DTNA: variants seen among roughly 807,000 people sequenced by gnomAD.
The protein encoded by DTNA is dystrobrevin alpha.
In DTNA, 43 loss-of-function variants were observed where a neutral mutation model predicts 100.7. The observed-to-expected ratio is 0.43, with a 90% CI of 0.33 to 0.55. DTNA has a LOEUF of 0.55. Ranked by LOEUF, DTNA falls within the 20% of genes least tolerant of loss-of-function variation. The pLI is 0.04. For missense variants in DTNA, 798 were observed against 953.9 expected (o/e 0.84, Z 2.15); for synonymous variants, 349 against 347.9 (o/e 1.00, Z -0.04).
At chr18:34,622,828 G>T (rs898439126) in intron 1 of DTNA, among the ~76,000 whole-genome samples, 11 of 152,172 alleles carry the variant, frequency 7.2e-5, no homozygotes, top group Non-Finnish European at 1.0e-4. Flanking sequence ...GAGGCCCTCG[G>T]ATTGGGCTGA....
At chr18:34,745,630 C>G (rs75619770) in intron 1 of DTNA, among the ~76,000 whole-genome samples, 2,020 of 152,318 alleles carry the variant, frequency 0.013, 25 homozygotes, top group African/African-American at 0.046. Flanking sequence ...CCCACCTTCA[C>G]TGTTCCACCT....
intron 1 of DTNA, among the ~76,000 whole-genome samples, chr18:34,668,293 G>C (rs2076234123): frequency 6.6e-6 from 1 of 151,954 alleles, no homozygotes; most frequent in South Asian, 2.1e-4. Context: ...ATTTTTTATT[G>C]CGTCTATTTG....
chr18:34,780,843 A>G (rs1156514161), intron 3 of DTNA, among the ~76,000 whole-genome samples: 4 of 152,198 alleles, frequency 2.6e-5, no homozygotes, highest in Non-Finnish European at 5.9e-5. Flanking sequence ...ACAGTGCAGG[A>G]ATTTCCAAGA....
chr18:34,505,034 G>A (rs754954522), intron 1 of DTNA, among the ~76,000 whole-genome samples: 1 of 152,114 alleles, frequency 6.6e-6, no homozygotes, highest in Admixed American at 6.5e-5. Context: ...TTACCATACA[G>A]TGCATGCCTT....
In DTNA at chr18:34,794,268, G is replaced by A. The variant is rs771172339; in HGVS notation, c.362+18G>A. On this transcript the variant is annotated intron_variant, in intron 4 of 22. Transcript: ENST00000444659. Reference sequence around the variant, plus strand: ...TTTGATCCGTAAGCACCCTCTGAATGTCTGTTCCTCTCTACATGTTTGGCT... The same window carrying A: ...TTTGATCCGTAAGCACCCTCTGAATATCTGTTCCTCTCTACATGTTTGGCT... 5.6e-6 allele frequency: 9 copies of A among 1,613,708 alleles called. No individual in the cohort carries two copies. In the Admixed American group the frequency reaches 8.3e-5, roughly 15 times the overall value.
intron 1 of DTNA, among the ~76,000 whole-genome samples, chr18:34,564,046 T>C (rs1598607973): frequency 6.6e-6 from 1 of 152,160 alleles, no homozygotes; most frequent in East Asian, 1.9e-4. Flanking sequence ...TATTATTAAC[T>C]ACAGTCACTA....
rs141141892 is a variant in DTNA, at chr18:34,794,241, C to T, written c.353C>T (p.Ala118Val). The T allele has an allele frequency of 1.9e-6, 3 of 1,614,004 alleles. No homozygotes were observed. The highest frequency in any genetic ancestry group is 1.1e-5 in the South Asian group (1 of 91,070). The change falls in exon 4 of 23, where the codon GCG becomes GTG. Residue 118 changes from alanine to valine, a missense_variant. By Grantham distance (64) the Ala-to-Val change is moderately conservative (BLOSUM62 0). Coordinates refer to ENST00000444659, the MANE Select transcript of DTNA (RefSeq NM_001386795.1). Reference sequence around the variant, plus strand: ...CTCCTCCTTAACTTCCTGCTTGCAGCGTTTGATCCGTAAGCACCCTCTGAA... The same window carrying T: ...CTCCTCCTTAACTTCCTGCTTGCAGTGTTTGATCCGTAAGCACCCTCTGAA... ...ISLLLNFLLA[A>V]FDPEGHGKIS...
intron 1 of DTNA, among the ~76,000 whole-genome samples, chr18:34,668,016 G>T (rs1015686392): frequency 2.0e-5 from 3 of 152,134 alleles, no homozygotes; most frequent in African/African-American, 7.2e-5. Context: ...GCTCCTCCTT[G>T]TACCTCTGGT....
At chr18:34,527,235 T>TA (rs2042711863) in intron 1 of DTNA, among the ~76,000 whole-genome samples, 1 of 151,934 alleles carries the variant, frequency 6.6e-6, no homozygotes, top group Non-Finnish European at 1.5e-5. Flanking sequence ...AGTGCAACAG[T>TA]AAAACAGATT....
chr18:34,550,092 A>G (rs2045241174), intron 1 of DTNA, among the ~76,000 whole-genome samples: 2 of 152,144 alleles, frequency 1.3e-5, no homozygotes, highest in Admixed American at 1.3e-4. Context: ...CAACTCTAGA[A>G]AGCTTCTAAC....
chr18:34,706,200 G>A (rs547341695), upstream of DTNA, among the ~76,000 whole-genome samples: 5 of 152,036 alleles, frequency 3.3e-5, no homozygotes, highest in African/African-American at 7.2e-5. Context: ...CACTCGCCTC[G>A]GCCTCCCAAA....
intron 1 of DTNA, among the ~76,000 whole-genome samples, chr18:34,525,217 T>C (rs1224068935): frequency 6.6e-6 from 1 of 152,050 alleles, no homozygotes; most frequent in East Asian, 1.9e-4. Flanking sequence ...TACTCCACTC[T>C]CTAGGACATC....
chr18:34,553,216 G>A (rs1178979164), intron 1 of DTNA, among the ~76,000 whole-genome samples: 1 of 151,614 alleles, frequency 6.6e-6, no homozygotes, highest in African/African-American at 2.4e-5. Context: ...CCCACTTTTT[G>A]ATGGGGTTGT....
At chr18:34,506,157 C>T (rs2040470226) in intron 1 of DTNA, among the ~76,000 whole-genome samples, 1 of 152,220 alleles carries the variant, frequency 6.6e-6, no homozygotes, top group Admixed American at 6.5e-5. Flanking sequence ...GGTCTCTCCA[C>T]TGACACACTA....
intron 17 of DTNA, among the ~76,000 whole-genome samples, chr18:34,872,389 A>G (rs954165378): frequency 1.3e-5 from 2 of 152,214 alleles, no homozygotes; most frequent in African/African-American, 4.8e-5. Flanking sequence ...GGTGTGCACT[A>G]CAGCCCCAGA....
chr18:34,546,605 C>G (rs2044805420), intron 1 of DTNA, among the ~76,000 whole-genome samples: 1 of 152,080 alleles, frequency 6.6e-6, no homozygotes, highest in Non-Finnish European at 1.5e-5. Context: ...CCAACATTAT[C>G]TCACAAACAC....
At position 34,890,692 on chromosome 18, in the gene DTNA, A is replaced by G. The variant is rs1342442813; in HGVS notation, c.*2958A>G. The G allele has an allele frequency of 6.7e-6, 4 of 597,390 alleles. No individual in the cohort carries two copies. The highest frequency in any genetic ancestry group is 6.4e-5 in the Admixed American group (2 of 31,332). 37.0% of individuals were successfully genotyped at this position (597,390 alleles called of 1,614,324 possible). On this transcript the variant is annotated 3_prime_UTR_variant, in exon 23 of 23. Coordinates refer to ENST00000444659, the MANE Select transcript of DTNA (RefSeq NM_001386795.1). ...GTTGGTCAGGACGGAAGTTGGGGTA[A>G]GTTTGGTTGGTCAGAGGGAGTTGTG...
In DTNA at chr18:34,879,641, C is replaced by CTTT. The variant is rs2096852777; in HGVS notation, c.2086_2088dup (p.Phe696dup). On this transcript the variant is annotated inframe_insertion, in exon 20 of 23. Coordinates refer to ENST00000444659, the MANE Select transcript of DTNA (RefSeq NM_001386795.1). Reference sequence around the variant, plus strand: ...GTTCCCTCACCAACCTCTGAAAAGGCTTTTCTAGCGCAAATCCATGCCCGA... The same window carrying CTTT: ...GTTCCCTCACCAACCTCTGAAAAGGCTTTTTTTCTAGCGCAAATCCATGCCCGA... The CTTT allele has an allele frequency of 6.2e-7, 1 of 1,614,108 alleles. No individual in the cohort carries two copies.
At chr18:34,861,624 A>G (rs2096629246) in intron 16 of DTNA, among the ~76,000 whole-genome samples, 1 of 151,834 alleles carries the variant, frequency 6.6e-6, no homozygotes, top group Non-Finnish European at 1.5e-5. Flanking sequence ...GAAAATCACT[A>G]TTTAGTCTTG....
Sources: gnomAD v4.1 joint callset for allele counts (sites outside exome capture counted in the v4.1 genomes callset) on GRCh38, gnomAD v4.1.1 for gene constraint, MANE v1.5 for transcripts, NCBI Gene and HGNC (gene_info 2026-07-23, HGNC 2026-07-21) for gene names.